The following KCNIP4 variants were observed in gnomAD, a reference collection of about 807,000 sequenced individuals.
KCNIP4 encodes potassium voltage-gated channel interacting protein 4, also known as Kv channel-interacting protein 4.
Under a neutral mutation model 34.0 loss-of-function variants are expected in KCNIP4, and 12 were observed. The observed-to-expected ratio is 0.35, with a 90% CI of 0.23 to 0.57. The LOEUF (loss-of-function observed/expected upper bound fraction) is 0.57, where lower values mean the gene tolerates loss of function less well. KCNIP4 is among the 20% of genes least tolerant of loss of function. The pLI is 0.83. For missense variants in KCNIP4, 238 were observed against 311.7 expected (o/e 0.76, Z 1.78); for synonymous variants, 124 against 102.2 (o/e 1.21, Z -1.29).
chr4:20,748,870 GTGTGTGTGTGTA>G (rs1753000232), intron 5 of KCNIP4, among the ~76,000 whole-genome samples: 1 of 128,046 alleles, frequency 7.8e-6, no homozygotes, highest in South Asian at 2.4e-4. Context: ...TATGAATTAC[GTGTGTGTGTGTA>G]TGTGTGTGTG....
chr4:21,748,748 C>A (rs1841181), intron 1 of KCNIP4, among the ~76,000 whole-genome samples: 110,678 of 151,976 alleles, frequency 0.73, 41,694 homozygotes, highest in African/African-American at 0.85. Flanking sequence ...TCTGAACTGG[C>A]AAAGAAAAGA....
At chr4:20,810,419 G>A (rs1489121224) in intron 3 of KCNIP4, among the ~76,000 whole-genome samples, 1 of 150,716 alleles carries the variant, frequency 6.6e-6, no homozygotes, top group African/African-American at 2.5e-5. Context: ...GAAAAAGAGA[G>A]AGGGAAGGGA....
At chr4:21,474,181 A>G (rs1730711875) in intron 1 of KCNIP4, among the ~76,000 whole-genome samples, 1 of 152,004 alleles carries the variant, frequency 6.6e-6, no homozygotes, top group Non-Finnish European at 1.5e-5. Flanking sequence ...TCTTTCATGA[A>G]CTCTATCAGT....
chr4:21,031,221 C>T (rs906400072), intron 1 of KCNIP4, among the ~76,000 whole-genome samples: 4 of 152,186 alleles, frequency 2.6e-5, no homozygotes, highest in African/African-American at 4.8e-5. Context: ...CTTGCACCTA[C>T]GTGCTTGTCA....
In KCNIP4 at chr4:21,373,832, A is replaced by G. The variant is rs2109449315; in HGVS notation, c.62-491123T>C. Among the ~76,000 whole-genome samples the G allele has an allele frequency of 1.4e-5, 2 of 146,920 alleles. 1 individual carries two copies. The highest frequency in any genetic ancestry group is 5.5e-5 in the African/African-American group (2 of 36,656). On this transcript the variant is annotated intron_variant, in intron 1 of 8. Transcript: ENST00000382152. ...GCAATTCTCATGCCTCAGCCTCCCG[A>G]GTAACTGGGATTACAGGTGCTCCTC... is the stretch of plus-strand genomic sequence containing the variant.
chr4:21,931,406 C>T (rs6448100), intron 1 of KCNIP4, among the ~76,000 whole-genome samples: 130,391 of 130,408 alleles, frequency 1, 65,187 homozygotes, highest in Middle Eastern at 1. Context: ...CTCCTAATGC[C>T]ATCCCTCCCC....
chr4:21,689,054 A>G (rs1470932994), intron 1 of KCNIP4, among the ~76,000 whole-genome samples: 4 of 152,046 alleles, frequency 2.6e-5, no homozygotes, highest in Non-Finnish European at 2.9e-5. Context: ...CTGTACTGGC[A>G]GGTTGACAGG....
At chr4:20,790,479 A>G (rs758206280) in intron 3 of KCNIP4, among the ~76,000 whole-genome samples, 21 of 152,216 alleles carry the variant, frequency 1.4e-4, no homozygotes, top group Non-Finnish European at 2.9e-4. Context: ...TCTTGTAATA[A>G]CACAGCTTAA....
intron 1 of KCNIP4, among the ~76,000 whole-genome samples, chr4:20,992,749 C>G (rs893308926): frequency 6.6e-6 from 1 of 152,008 alleles, no homozygotes; most frequent in African/African-American, 2.4e-5. Context: ...CAGAGTAGGC[C>G]GAACATGGTG....
chr4:21,602,304 A>G lies in KCNIP4; in HGVS notation c.61+346267T>C, dbSNP rs147381112. On this transcript the variant is annotated intron_variant, in intron 1 of 8. Coordinates refer to ENST00000382152, the MANE Select transcript of KCNIP4 (RefSeq NM_025221.6). ...TATTTGCTTGCATGTCCTTCTCCCA[A>G]ATTAGACCTCCTTGGAGTAAAGGAT... Among the ~76,000 whole-genome samples the G allele has an allele frequency of 8.3e-4, 126 of 152,166 alleles. 1 individual carries two copies. Among genetic ancestry groups the G allele is most frequent in the Middle Eastern group, 3.4e-3 (1 of 294 alleles).
At chr4:21,647,673 T>C (rs1747125143) in intron 1 of KCNIP4, among the ~76,000 whole-genome samples, 1 of 152,076 alleles carries the variant, frequency 6.6e-6, no homozygotes, top group Non-Finnish European at 1.5e-5. Flanking sequence ...TTGTCCCTCA[T>C]CTTCCTGCTA....
chr4:20,799,470 G>C (rs1041394770), intron 3 of KCNIP4, among the ~76,000 whole-genome samples: 1 of 152,130 alleles, frequency 6.6e-6, no homozygotes, highest in Non-Finnish European at 1.5e-5. Context: ...GAAATCACAG[G>C]AGCTGTGCCA....
At chr4:21,697,490 A>C in intron 1 of KCNIP4, 1 of 1,506,442 alleles carries the variant, frequency 6.6e-7, no homozygotes, top group South Asian at 1.4e-5. Context: ...TGCCAATAAT[A>C]ATAATAATAA....
chr4:21,270,663 C>T (rs2109132855), intron 1 of KCNIP4, among the ~76,000 whole-genome samples: 1 of 152,088 alleles, frequency 6.6e-6, no homozygotes, highest in South Asian at 2.1e-4. Flanking sequence ...TAATTTTTTT[C>T]CAGCACTTGG....
At chr4:21,657,902 C>A (rs111665742) in intron 1 of KCNIP4, among the ~76,000 whole-genome samples, 4 of 150,706 alleles carry the variant, frequency 2.7e-5, no homozygotes, top group African/African-American at 9.8e-5. Flanking sequence ...TGCAGTGGAA[C>A]GATCTCGGCT....
chr4:21,439,031 G>A (rs1458184870), intron 1 of KCNIP4, among the ~76,000 whole-genome samples: 6 of 151,910 alleles, frequency 3.9e-5, no homozygotes, highest in African/African-American at 7.3e-5. Flanking sequence ...GCGTGGCGGC[G>A]GGCGCCTGTA....
rs1157104290 is a variant in KCNIP4 at position 20,916,985 on chromosome 4, TTATATATATATATATATATATATATA to T, written c.62-34302_62-34277del. Among the ~76,000 whole-genome samples the T allele has an allele frequency of 9.6e-3, 398 of 41,292 alleles. 7 individuals carry two copies. Among genetic ancestry groups the T allele is most frequent in the African/African-American group, 0.014 (102 of 7,484 alleles). 27.1% of individuals were successfully genotyped at this position (41,292 alleles called of 152,430 possible). A position where few individuals can be genotyped will look rare whatever the true frequency, so the allele number is the denominator to read the frequency against. ...TCTTCCACCATTGACCATCTTATGT[TTATATATATATATATATATATATATA>T]TATATATATATATATATATATATAT... is the stretch of plus-strand genomic sequence containing the variant. On this transcript the variant is annotated intron_variant, in intron 1 of 8. Coordinates refer to ENST00000382152, the MANE Select transcript of KCNIP4 (RefSeq NM_025221.6).
In KCNIP4 at chr4:21,683,092, C is replaced by T. The variant is rs190639614; in HGVS notation, c.61+265479G>A. Among the ~76,000 whole-genome samples the T allele has an allele frequency of 2.2e-4, 34 of 152,242 alleles. No individual in the cohort carries two copies. The East Asian group carries it at 3.3e-3, about 15-fold the overall frequency. On this transcript the variant is annotated intron_variant, in intron 1 of 8. Coordinates refer to ENST00000382152, the MANE Select transcript of KCNIP4 (RefSeq NM_025221.6). ...AAGTGCAATAAAGCAAAGAACAATACGATGAGGCATGCCTGTATGTTTTAT... is the reference window on the plus strand; with the variant it reads ...AAGTGCAATAAAGCAAAGAACAATATGATGAGGCATGCCTGTATGTTTTAT...
At chr4:21,417,918 G>A (rs1312287993) in intron 1 of KCNIP4, among the ~76,000 whole-genome samples, 1 of 152,138 alleles carries the variant, frequency 6.6e-6, no homozygotes, top group African/African-American at 2.4e-5. Flanking sequence ...GTTGGACATT[G>A]TATCAGTTGA....
Sources: allele counts gnomAD v4.1 joint callset (sites outside exome capture counted in the v4.1 genomes callset), GRCh38; gene constraint gnomAD v4.1.1; transcripts MANE v1.5; gene names NCBI Gene and HGNC (gene_info 2026-07-23, HGNC 2026-07-21).